The following PEAK1 variants were observed in gnomAD, a reference collection of about 807,000 sequenced individuals.
The protein encoded by PEAK1 is pseudopodium enriched atypical kinase 1.
A neutral mutation model predicts 124.7 loss-of-function variants in PEAK1; 54 were observed. The ratio of observed to expected loss-of-function variants is 0.43; its 90% CI spans 0.35 to 0.54. The LOEUF (loss-of-function observed/expected upper bound fraction) is 0.54. Among genes scored for constraint, PEAK1 ranks in the 20% least tolerant of loss-of-function variants. The pLI, the probability that PEAK1 is intolerant of heterozygous loss-of-function variation, is 0.01. For synonymous variants in PEAK1, 719 were observed against 760.0 expected, an observed-to-expected ratio of 0.95 and a Z score of 0.89; for missense variants, 2,046 against 2,134.5, an observed-to-expected ratio of 0.96 and a Z score of 0.82.
intron 7 of PEAK1, chr15:77,177,794 T>C (rs910090317): frequency 2.6e-5 from 4 of 152,302 alleles, no homozygotes; most frequent in Non-Finnish European, 5.9e-5. Context: ...TCATTTTGTT[T>C]ACAATATAAA....
At chr15:77,372,955 G>T (rs766859440) in intron 1 of PEAK1, among the ~76,000 whole-genome samples, 5 of 152,044 alleles carry the variant, frequency 3.3e-5, no homozygotes, top group Non-Finnish European at 7.4e-5. Flanking sequence ...CCTAGCAGAT[G>T]GCCAGCTTCC....
Position 77,109,917 on chromosome 15 carries a change from A to ATT in PEAK1, c.*4237_*4238dup, listed in dbSNP as rs896845698. 1 of 152,164 alleles carries ATT rather than the reference A, an allele frequency of 6.6e-6. No individual in the cohort carries two copies. Among genetic ancestry groups the ATT allele is most frequent in the African/African-American group, 2.4e-5 (1 of 41,426 alleles). The allele number at this position is 152,164 out of a possible 1,614,324, so 9.4% of individuals were successfully genotyped here. ...AGTGTAGTATCCTAAATCCATCTCT[A>ATT]TTTCTGTGACTAGCCTGTACTTTTT... On this transcript the variant is annotated 3_prime_UTR_variant, in exon 10 of 10. Coordinates refer to ENST00000682557, the MANE Select transcript of PEAK1 (RefSeq NM_001385026.1).
intron 2 of PEAK1, among the ~76,000 whole-genome samples, chr15:77,311,973 A>C (rs1223646103): frequency 6.6e-6 from 1 of 152,182 alleles, no homozygotes; most frequent in Non-Finnish European, 1.5e-5. Context: ...GTGGGGAGGG[A>C]TGAACACTGG....
Position 77,158,656 on chromosome 15 carries a change from C to A in PEAK1, c.3178G>T (p.Asp1060Tyr). 1 of 1,614,100 alleles carries A rather than the reference C, an allele frequency of 6.2e-7. No homozygotes were observed. The highest frequency in any genetic ancestry group is 8.5e-7 in the Non-Finnish European group (1 of 1,179,970). Residue 1060 changes from aspartate to tyrosine, a missense_variant, in exon 8 of 10, where the codon GAT (aspartate) becomes TAT (tyrosine). Asp to Tyr is a radical substitution (Grantham distance 160). Transcript: ENST00000682557. The stretch of plus-strand genomic sequence containing the variant: ...TGCTTCCCAACAACAGTTCTTGGAT[C>A]CCGAGGAGAAAAATCCTCTGTTACT... ...HEVTEDFSPR[D>Y]PRTVVGKQDG...
chr15:77,316,239 T>C (rs2064864123), intron 2 of PEAK1, among the ~76,000 whole-genome samples: 1 of 152,216 alleles, frequency 6.6e-6, no homozygotes, highest in Admixed American at 6.5e-5. Flanking sequence ...TTTAGTCAAA[T>C]GATAAATACA....
chr15:77,188,924 G>A (rs957102647), intron 6 of PEAK1, among the ~76,000 whole-genome samples: 1 of 152,072 alleles, frequency 6.6e-6, no homozygotes. Context: ...GGCCAGGTGC[G>A]GTGGCTCAAG....
intron 2 of PEAK1, chr15:77,333,227 C>G (rs1258056837): frequency 2.2e-6 from 2 of 913,914 alleles, no homozygotes; most frequent in African/African-American, 1.8e-5. Flanking sequence ...TCAAGCCATC[C>G]TCCTTTCTCA....
At chr15:77,333,719 T>A in intron 2 of PEAK1, 1 of 967,560 alleles carries the variant, frequency 1.0e-6, no homozygotes, top group South Asian at 4.8e-5. Context: ...TTGAAATGGC[T>A]TCACTATCAT....
chr15:77,370,443 T>G (rs761383603), intron 1 of PEAK1, among the ~76,000 whole-genome samples: 12 of 152,094 alleles, frequency 7.9e-5, no homozygotes, highest in Non-Finnish European at 8.8e-5. Context: ...AGTCTTTGAG[T>G]AAGATATGAG....
At chr15:77,372,044 T>G (rs2068679340) in intron 1 of PEAK1, among the ~76,000 whole-genome samples, 1 of 152,202 alleles carries the variant, frequency 6.6e-6, no homozygotes, top group Non-Finnish European at 1.5e-5. Flanking sequence ...TCACTATATT[T>G]CAAAGGTATA....
In PEAK1 at chr15:77,236,705, T is replaced by C. The variant is rs927621359; in HGVS notation, c.-115+15662A>G. Reference sequence around the variant, plus strand: ...GGGAGGGGCCAGGGATGGAATGATATGGTTTGGCTGTGTCCCCACCCAAAT... The same window carrying C: ...GGGAGGGGCCAGGGATGGAATGATACGGTTTGGCTGTGTCCCCACCCAAAT... On this transcript the variant is annotated intron_variant, in intron 6 of 9. Coordinates refer to ENST00000682557, the MANE Select transcript of PEAK1 (RefSeq NM_001385026.1). 1.1e-4 allele frequency among the ~76,000 whole-genome samples: 16 copies of C among 152,134 alleles called. 1 individual carries two copies. Among genetic ancestry groups the C allele is most frequent in the East Asian group, 5.8e-4 (3 of 5,192 alleles).
chr15:77,408,154 T>TACACAC (rs55866391), intron 1 of PEAK1, among the ~76,000 whole-genome samples: 2,226 of 144,398 alleles, frequency 0.015, 22 homozygotes, highest in African/African-American at 0.028. Context: ...CATATATACA[T>TACACAC]ACACACACAC....
chr15:77,165,700 A>G (rs1330249399), intron 7 of PEAK1, among the ~76,000 whole-genome samples: 2 of 152,204 alleles, frequency 1.3e-5, no homozygotes, highest in African/African-American at 2.4e-5. Flanking sequence ...TAGGGCAGGA[A>G]TGGGACCTAT....
chr15:77,128,050 G>C (rs1160617540), intron 9 of PEAK1, among the ~76,000 whole-genome samples: 1 of 150,844 alleles, frequency 6.6e-6, no homozygotes, highest in South Asian at 2.1e-4. Flanking sequence ...CTGCACTCCA[G>C]CCTGGGTGAC....
intron 8 of PEAK1, among the ~76,000 whole-genome samples, chr15:77,138,385 A>G (rs2053506682): frequency 1.3e-5 from 2 of 152,188 alleles, no homozygotes; most frequent in Non-Finnish European, 2.9e-5. Flanking sequence ...ACTCCTGTAG[A>G]CTTTATATAT....
chr15:77,139,370 T>C (rs1208444690), intron 8 of PEAK1, among the ~76,000 whole-genome samples: 1 of 152,200 alleles, frequency 6.6e-6, no homozygotes, highest in African/African-American at 2.4e-5. Context: ...GTACAGAAAA[T>C]GCACAAACCA....
chr15:77,213,845 G>A (rs1214587625), intron 6 of PEAK1, among the ~76,000 whole-genome samples: 1 of 151,922 alleles, frequency 6.6e-6, no homozygotes, highest in Non-Finnish European at 1.5e-5. Flanking sequence ...TTTATTATTT[G>A]TATACAATTG....
At chr15:77,108,144 C>A (rs932242927), downstream of PEAK1, 7 of 152,200 alleles carry the variant, frequency 4.6e-5, no homozygotes, top group Admixed American at 2.6e-4. Flanking sequence ...GCCAAAAGGA[C>A]AAGCATTTGT....
intron 8 of PEAK1, 33 bp downstream of exon 8, chr15:77,158,470 T>C: frequency 6.3e-7 from 1 of 1,592,676 alleles, no homozygotes; most frequent in Non-Finnish European, 8.6e-7. Context: ...AAAGGCAAAG[T>C]TTAAATACTA....
Sources: allele counts gnomAD v4.1 joint callset (sites outside exome capture counted in the v4.1 genomes callset), GRCh38; gene constraint gnomAD v4.1.1; transcripts MANE v1.5; gene names NCBI Gene and HGNC (gene_info 2026-07-23, HGNC 2026-07-21).